SLC30A8: variants seen among roughly 807,000 people sequenced by gnomAD.
SLC30A8 encodes solute carrier family 30 member 8, also known as proton-coupled zinc antiporter SLC30A8.
In SLC30A8, 27 loss-of-function variants were observed where a neutral mutation model predicts 36.9. That is an observed-to-expected ratio of 0.73 (90% CI 0.54 to 1.01). The LOEUF (loss-of-function observed/expected upper bound fraction) is 1.01, where lower values mean the gene tolerates loss of function less well. Ranked by LOEUF, SLC30A8 falls within the 50% of genes least tolerant of loss-of-function variation. SLC30A8 has a pLI of 0.00. For synonymous variants in SLC30A8, 164 were observed against 172.4 expected (o/e 0.95, Z 0.38); for missense variants, 439 against 452.0 (o/e 0.97, Z 0.26).
chr8:117,034,587 A>G (rs1381878945), intron 1 of SLC30A8, among the ~76,000 whole-genome samples: 2 of 152,220 alleles, frequency 1.3e-5, no homozygotes, highest in African/African-American at 4.8e-5. Context: ...AGAAGGTGCT[A>G]GAGCTGGGGT....
chr8:117,162,540 G>A (rs900518415), intron 5 of SLC30A8, among the ~76,000 whole-genome samples: 1 of 152,156 alleles, frequency 6.6e-6, no homozygotes, highest in African/African-American at 2.4e-5. Flanking sequence ...TGGTAATACT[G>A]ATAACAGAGA....
At chr8:117,111,461 T>A (rs6997269) in intron 2 of SLC30A8, among the ~76,000 whole-genome samples, 8,695 of 152,210 alleles carry the variant, frequency 0.057, 292 homozygotes, top group East Asian at 0.12. Context: ...GGTCACTATG[T>A]TTTCCAAATT....
chr8:117,038,105 T>C (rs1022876775), intron 1 of SLC30A8, among the ~76,000 whole-genome samples: 13 of 152,282 alleles, frequency 8.5e-5, no homozygotes, highest in African/African-American at 2.9e-4. Context: ...ACCCTCAAGC[T>C]TTTCTATTTC....
intron 2 of SLC30A8, among the ~76,000 whole-genome samples, chr8:117,069,718 T>C (rs1342213635): frequency 1.3e-5 from 2 of 152,234 alleles, no homozygotes; most frequent in African/African-American, 4.8e-5. Context: ...TTCAGACTTC[T>C]GTTCTAGAAT....
rs543656944 is a variant in SLC30A8 at position 117,139,149 on chromosome 8, A to C, written c.71+3751A>C. Among the ~76,000 whole-genome samples the C allele has an allele frequency of 4.6e-5, 7 of 152,210 alleles. No individual in the cohort carries two copies. In the East Asian group the frequency reaches 1.4e-3, roughly 30 times the overall value. ...GCACTAGCCACAAAATTTGGCCTCA[A>C]ATATTACCCCTATAAAGAAGCCTGT... On this transcript the variant is annotated intron_variant, in intron 1 of 7. Coordinates refer to ENST00000456015, the MANE Select transcript of SLC30A8 (RefSeq NM_173851.3).
At chr8:117,043,335 G>A (rs897802651) in intron 2 of SLC30A8, among the ~76,000 whole-genome samples, 6 of 152,212 alleles carry the variant, frequency 3.9e-5, no homozygotes, top group East Asian at 1.9e-4. Context: ...CATGGGCTTC[G>A]TTGGTCAGGA....
intron 1 of SLC30A8, among the ~76,000 whole-genome samples, chr8:116,968,148 G>T (rs910582327): frequency 3.3e-5 from 5 of 152,098 alleles, no homozygotes; most frequent in African/African-American, 4.8e-5. Flanking sequence ...GGCAAAATTT[G>T]ATAATTTGTT....
At position 116,954,522 on chromosome 8, in the gene SLC30A8, G is replaced by A. The variant is rs1276431037; in HGVS notation, c.-266+3403G>A. Among the ~76,000 whole-genome samples, 13 of 152,176 alleles carry A rather than the reference G, an allele frequency of 8.5e-5. No individual in the cohort carries two copies. In the East Asian group the frequency reaches 2.3e-3, roughly 27 times the overall value. On this transcript the variant is annotated intron_variant, in intron 1 of 10. Coordinates refer to the SLC30A8 transcript ENST00000427715. ...AACTAGTAATGAGGGCTTGTCTAGT[G>A]GTCAAGTATGATAGACTAAAAATAT... is the stretch of plus-strand genomic sequence containing the variant.
At chr8:116,965,252 A>G (rs1814559751) in intron 1 of SLC30A8, among the ~76,000 whole-genome samples, 2 of 152,278 alleles carry the variant, frequency 1.3e-5, no homozygotes, top group African/African-American at 4.8e-5. Context: ...GTACTTTTAT[A>G]TTCATTTTGG....
At chr8:116,951,841 G>C (rs997707867) in intron 1 of SLC30A8, among the ~76,000 whole-genome samples, 1 of 152,030 alleles carries the variant, frequency 6.6e-6, no homozygotes, top group Non-Finnish European at 1.5e-5. Flanking sequence ...TCTGGATGCT[G>C]AGCGTAGGAC....
At chr8:117,022,132 G>A (rs1432713669) in intron 1 of SLC30A8, among the ~76,000 whole-genome samples, 8 of 151,906 alleles carry the variant, frequency 5.3e-5, no homozygotes, top group African/African-American at 1.7e-4. Flanking sequence ...CCCAGGAGGC[G>A]GAGCTTGCAG....
chr8:117,149,524 G>C (rs916179327), intron 2 of SLC30A8, among the ~76,000 whole-genome samples: 1 of 152,160 alleles, frequency 6.6e-6, no homozygotes, highest in Non-Finnish European at 1.5e-5. Context: ...TGAAATAAAC[G>C]TGAGCTATAC....
intron 1 of SLC30A8, among the ~76,000 whole-genome samples, chr8:117,033,090 A>G (rs544080678): frequency 3.3e-5 from 5 of 152,310 alleles, no homozygotes; most frequent in African/African-American, 1.2e-4. Context: ...GACTCTGTGG[A>G]AAACAGTTTG....
Position 117,157,809 on chromosome 8 carries a change from C to T in SLC30A8, c.537C>T (p.Ile179=). The change falls in exon 4 of 8, where the codon ATC becomes ATT. Residue 179 remains isoleucine (I), a synonymous_variant. Transcript: ENST00000456015. ...ACCAGATCCAGGCGACTGTGATGAT[C>T]ATCGTTTCCAGCTGCGCAGTGGCGG... ...PDYQIQATVM[I]IVSSCAVAAN... The T allele has an allele frequency of 6.2e-7, 1 of 1,614,092 alleles. No individual in the cohort carries two copies. The highest frequency in any genetic ancestry group is 8.5e-7 in the Non-Finnish European group (1 of 1,180,002).
chr8:117,001,718 A>G (rs1816016683), intron 1 of SLC30A8, among the ~76,000 whole-genome samples: 1 of 152,228 alleles, frequency 6.6e-6, no homozygotes, highest in African/African-American at 2.4e-5. Context: ...AATAAAGAAA[A>G]TCAAACTGTA....
chr8:117,116,426 T>G (rs1417633376), intron 2 of SLC30A8, among the ~76,000 whole-genome samples: 1 of 152,058 alleles, frequency 6.6e-6, no homozygotes. Flanking sequence ...AAGCTAGGAA[T>G]GGCATATTGT....
chr8:117,171,029 G>T lies in SLC30A8; in HGVS notation c.830-5G>T. 1 of 1,582,170 alleles carries T rather than the reference G, an allele frequency of 6.3e-7. No individual in the cohort carries two copies. Among genetic ancestry groups the T allele is most frequent in the Non-Finnish European group, 8.6e-7 (1 of 1,165,916 alleles). On this transcript the variant is annotated splice_region_variant and splice_polypyrimidine_tract_variant and intron_variant, in intron 6 of 7. Coordinates refer to ENST00000456015, the MANE Select transcript of SLC30A8 (RefSeq NM_173851.3). The stretch of plus-strand genomic sequence containing the variant: ...CTACAGCCTCCATCTCTTCCCTTTT[G>T]TCAGGTGTGCCAAAGAGCCTGAATT...
intron 2 of SLC30A8, among the ~76,000 whole-genome samples, chr8:117,103,050 A>G (rs1341407372): frequency 6.6e-6 from 1 of 152,100 alleles, no homozygotes. Context: ...ATCTTACTAC[A>G]TATAATTAAC....
chr8:117,077,574 T>C (rs901352072), intron 2 of SLC30A8, among the ~76,000 whole-genome samples: 1 of 152,344 alleles, frequency 6.6e-6, no homozygotes, highest in Admixed American at 6.5e-5. Context: ...AAGATGTATA[T>C]CTCTCCTATC....
Sources: allele counts gnomAD v4.1 joint callset (sites outside exome capture counted in the v4.1 genomes callset), GRCh38; gene constraint gnomAD v4.1.1; transcripts MANE v1.5; gene names NCBI Gene and HGNC (gene_info 2026-07-23, HGNC 2026-07-21).